The following KCTD8 variants were observed in gnomAD, a reference collection of about 807,000 sequenced individuals.
KCTD8 encodes the protein BTB/POZ domain-containing protein KCTD8.
KCTD8 carries 27 observed loss-of-function variants against 31.5 expected under a neutral mutation model. The observed-to-expected ratio is 0.86, with a 90% confidence interval of 0.63 to 1.18. The LOEUF is 1.18. KCTD8 is among the 50% of genes most tolerant of loss of function. KCTD8 has a pLI of 0.00. For synonymous variants in KCTD8, 290 were observed against 280.0 expected, an observed-to-expected ratio of 1.04 and a Z score of -0.36; for missense variants, 658 against 647.7, an observed-to-expected ratio of 1.02 and a Z score of -0.17.
At chr4:44,314,655 T>TATAAATATAAATATAA (rs1444994980) in intron 1 of KCTD8, among the ~76,000 whole-genome samples, 40 of 152,184 alleles carry the variant, frequency 2.6e-4, no homozygotes, top group Admixed American at 1.6e-3. Context: ...TATACACATC[T>TATAAATATAAATATAA]ATATGCATAA....
At chr4:44,270,597 A>G (rs532663296) in intron 1 of KCTD8, among the ~76,000 whole-genome samples, 1 of 152,222 alleles carries the variant, frequency 6.6e-6, no homozygotes, top group South Asian at 2.1e-4. Flanking sequence ...ATTTTCATGT[A>G]TATTTATTAA....
At chr4:44,411,053 G>A (rs1720941531) in intron 1 of KCTD8, among the ~76,000 whole-genome samples, 1 of 152,068 alleles carries the variant, frequency 6.6e-6, no homozygotes, top group African/African-American at 2.4e-5. Context: ...TGAATACTAG[G>A]TCCCAAGAAT....
intron 1 of KCTD8, among the ~76,000 whole-genome samples, chr4:44,216,295 G>GT (rs905389604): frequency 6.6e-6 from 1 of 152,092 alleles, no homozygotes; most frequent in Non-Finnish European, 1.5e-5. Context: ...ACTTTATACA[G>GT]TAAGTAGATA....
chr4:44,360,726 T>C (rs916925186), intron 1 of KCTD8, among the ~76,000 whole-genome samples: 2 of 152,048 alleles, frequency 1.3e-5, no homozygotes, highest in African/African-American at 4.8e-5. Context: ...TGAAGGCTTT[T>C]AATTTTAAAA....
intron 1 of KCTD8, among the ~76,000 whole-genome samples, chr4:44,181,381 G>C (rs1577813513): frequency 6.6e-6 from 1 of 152,112 alleles, no homozygotes; most frequent in Non-Finnish European, 1.5e-5. Context: ...GAGTGCCTGC[G>C]ATTGCAGGCG....
chr4:44,277,235 C>A (rs953880034), intron 1 of KCTD8, among the ~76,000 whole-genome samples: 1 of 151,540 alleles, frequency 6.6e-6, no homozygotes, highest in Non-Finnish European at 1.5e-5. Context: ...GTAAAAATCC[C>A]AAATAAGACA....
At chr4:44,324,336 GACTA>G (rs1718387304) in intron 1 of KCTD8, among the ~76,000 whole-genome samples, 1 of 151,852 alleles carries the variant, frequency 6.6e-6, no homozygotes. Context: ...TTCATTTTAT[GACTA>G]ACTCTTTTTT....
At chr4:44,306,201 G>A (rs1208581749) in intron 1 of KCTD8, among the ~76,000 whole-genome samples, 2 of 151,736 alleles carry the variant, frequency 1.3e-5, no homozygotes, top group Non-Finnish European at 2.9e-5. Flanking sequence ...AGAAAATGAA[G>A]ACAAAAACAA....
chr4:44,220,125 TG>T (rs1405382615), intron 1 of KCTD8, among the ~76,000 whole-genome samples: 7 of 152,082 alleles, frequency 4.6e-5, no homozygotes, highest in African/African-American at 1.7e-4. Flanking sequence ...TTAATCCCAA[TG>T]TTGTGCTTAC....
chr4:44,294,917 G>A (rs2109387797), intron 1 of KCTD8, among the ~76,000 whole-genome samples: 1 of 152,102 alleles, frequency 6.6e-6, no homozygotes, highest in Non-Finnish European at 1.5e-5. Context: ...TTAAGGACAA[G>A]GTGAATTCAG....
At chr4:44,293,866 C>T (rs1344625264) in intron 1 of KCTD8, 3 of 445,872 alleles carry the variant, frequency 6.7e-6, no homozygotes, top group South Asian at 3.2e-5. Flanking sequence ...GATGATTTAT[C>T]AGAAATATAA....
intron 1 of KCTD8, among the ~76,000 whole-genome samples, chr4:44,255,936 T>G (rs1215013988): frequency 1.3e-5 from 2 of 151,966 alleles, no homozygotes; most frequent in Non-Finnish European, 2.9e-5. Flanking sequence ...ACGCTGCTAA[T>G]AAAGACATAC....
Position 44,447,948 on chromosome 4 carries a change from C to A in KCTD8, c.576G>T (p.Ala192=), listed in dbSNP as rs994668264. ...AAAAVPSGPG[A]HGGGGGGGAQ... ...CGCCGCCGCCGCCGCCACCACCGTG[C>A]GCTCCCGGGCCCGAGGGCACGGCGG... The change falls in exon 1 of 2, where the codon GCG becomes GCT. Residue 192 remains alanine, a synonymous_variant. Transcript: ENST00000360029. 2.7e-6 allele frequency: 4 copies of A among 1,495,578 alleles called. No individual in the cohort carries two copies. The highest frequency in any genetic ancestry group is 1.3e-5 in the South Asian group (1 of 76,550). 92.6% of individuals were successfully genotyped at this position (1,495,578 alleles called of 1,614,324 possible).
intron 1 of KCTD8, among the ~76,000 whole-genome samples, chr4:44,441,781 CACTT>C (rs1721817192): frequency 6.6e-6 from 1 of 152,152 alleles, no homozygotes; most frequent in African/African-American, 2.4e-5. Flanking sequence ...GTATGCAAAA[CACTT>C]AGCATAAAAT....
At chr4:44,380,063 A>G (rs1720020277) in intron 1 of KCTD8, among the ~76,000 whole-genome samples, 1 of 152,058 alleles carries the variant, frequency 6.6e-6, no homozygotes, top group Admixed American at 6.6e-5. Flanking sequence ...ATAGCCATAG[A>G]TATAGATGTG....
chr4:44,265,370 A>G (rs1716313988), intron 1 of KCTD8, among the ~76,000 whole-genome samples: 1 of 152,170 alleles, frequency 6.6e-6, no homozygotes, highest in Non-Finnish European at 1.5e-5. Context: ...CAGAAAGGAC[A>G]TCCACACCAA....
intron 1 of KCTD8, among the ~76,000 whole-genome samples, chr4:44,344,330 G>A (rs1031229861): frequency 6.6e-6 from 1 of 151,996 alleles, no homozygotes; most frequent in East Asian, 1.9e-4. Context: ...AACTACAGCT[G>A]TACACCAACA....
At chr4:44,287,979 T>C (rs561995016) in intron 1 of KCTD8, among the ~76,000 whole-genome samples, 1 of 152,178 alleles carries the variant, frequency 6.6e-6, no homozygotes, top group Non-Finnish European at 1.5e-5. Flanking sequence ...AGGAAAAAAA[T>C]GGGTATCTGG....
intron 1 of KCTD8, among the ~76,000 whole-genome samples, chr4:44,221,881 A>G (rs1034256231): frequency 6.6e-6 from 1 of 152,138 alleles, no homozygotes; most frequent in Admixed American, 6.5e-5. Flanking sequence ...CCTCACAGAC[A>G]CACCCCGGAA....
Sources: allele counts gnomAD v4.1 joint callset (sites outside exome capture counted in the v4.1 genomes callset), GRCh38; gene constraint gnomAD v4.1.1; transcripts MANE v1.5; gene names NCBI Gene and HGNC (gene_info 2026-07-23, HGNC 2026-07-21).